The following FMN2 variants were observed in gnomAD, a reference collection of about 807,000 sequenced individuals.
FMN2 encodes the protein formin 2.
Under a neutral mutation model 142.3 loss-of-function variants are expected in FMN2, and 51 were observed. The ratio of observed to expected loss-of-function variants is 0.36; its 90% confidence interval spans 0.29 to 0.45. FMN2 has a LOEUF of 0.45. FMN2 is among the 20% of genes least tolerant of loss of function. FMN2 has a pLI of 1.00. For missense variants in FMN2, 1,936 were observed against 2,122.8 expected, an observed-to-expected ratio of 0.91 and a Z score of 1.73; for synonymous variants, 882 against 869.8, an observed-to-expected ratio of 1.01 and a Z score of -0.25.
At chr1:240,098,966 C>T (rs1180820207) in intron 1 of FMN2, among the ~76,000 whole-genome samples, 2 of 152,186 alleles carry the variant, frequency 1.3e-5, no homozygotes, top group East Asian at 3.9e-4. Context: ...AGTAGTTATT[C>T]TAACTACGTT....
rs921147005 is a variant in FMN2 at position 240,215,607 on chromosome 1, T to C, written c.4065+4372T>C. On this transcript the variant is annotated intron_variant, in intron 6 of 17. Coordinates refer to ENST00000319653, the MANE Select transcript of FMN2 (RefSeq NM_020066.5). The stretch of plus-strand genomic sequence containing the variant: ...AAATACTTTAAAAAAAGAATTTGAA[T>C]GTGTATTGGTTTTTCATATATGTTT... Among the ~76,000 whole-genome samples, 20 of 152,362 alleles carry C rather than the reference T, an allele frequency of 1.3e-4. No homozygotes were observed. The East Asian group carries it at 3.1e-3, about 23-fold the overall frequency.
intron 6 of FMN2, among the ~76,000 whole-genome samples, chr1:240,240,428 T>C (rs1667854007): frequency 1.3e-5 from 2 of 152,326 alleles, no homozygotes; most frequent in Admixed American, 6.5e-5. Flanking sequence ...ATAATAAATA[T>C]GCACATGGTC....
intron 2 of FMN2, among the ~76,000 whole-genome samples, chr1:240,164,357 T>A (rs1180042038): frequency 2.6e-5 from 4 of 152,208 alleles, no homozygotes; most frequent in Non-Finnish European, 4.4e-5. Context: ...TACACATTGT[T>A]ATTTTATTTT....
At chr1:240,146,197 C>T (rs575049464) in intron 2 of FMN2, among the ~76,000 whole-genome samples, 173 of 142,516 alleles carry the variant, frequency 1.2e-3, no homozygotes, top group Admixed American at 2.2e-3. Flanking sequence ...TCCTGGCTAA[C>T]ATGGAGAAAC....
chr1:240,420,188 C>A (rs1340924473), intron 15 of FMN2, among the ~76,000 whole-genome samples: 1 of 152,174 alleles, frequency 6.6e-6, no homozygotes, highest in Non-Finnish European at 1.5e-5. Context: ...CTGATGCATT[C>A]TTTATGGCCT....
intron 4 of FMN2, among the ~76,000 whole-genome samples, chr1:240,192,185 T>G (rs1222263522): frequency 1.3e-5 from 2 of 152,236 alleles, no homozygotes. Flanking sequence ...GTACTCTTTA[T>G]GCAGTGGCCA....
chr1:240,421,374 G>A (rs1674757346), intron 15 of FMN2, among the ~76,000 whole-genome samples: 1 of 152,074 alleles, frequency 6.6e-6, no homozygotes, highest in South Asian at 2.1e-4. Flanking sequence ...CCCTTTTCCA[G>A]ATAATATAAC....
intron 7 of FMN2, among the ~76,000 whole-genome samples, chr1:240,271,918 G>A (rs1232452036): frequency 2.0e-5 from 3 of 152,070 alleles, no homozygotes; most frequent in African/African-American, 7.2e-5. Flanking sequence ...CAAAAAACTT[G>A]GGTTGAGCTT....
intron 8 of FMN2, among the ~76,000 whole-genome samples, chr1:240,309,875 G>A (rs527313353): frequency 1.3e-5 from 2 of 152,246 alleles, no homozygotes; most frequent in Admixed American, 1.3e-4. Flanking sequence ...GTCTCATCTG[G>A]CATGACAGTC....
At chr1:240,133,825 G>A (rs1662834947) in intron 2 of FMN2, among the ~76,000 whole-genome samples, 1 of 152,036 alleles carries the variant, frequency 6.6e-6, no homozygotes, top group African/African-American at 2.4e-5. Flanking sequence ...TATTATAATT[G>A]CCTATTTACC....
intron 3 of FMN2, among the ~76,000 whole-genome samples, chr1:240,178,502 G>A (rs1665021005): frequency 6.7e-6 from 1 of 148,738 alleles, no homozygotes; most frequent in South Asian, 2.1e-4. Context: ...CTAGAGTGCA[G>A]TGGAGCATGA....
At chr1:240,376,356 A>T (rs1673041894) in intron 14 of FMN2, among the ~76,000 whole-genome samples, 1 of 151,884 alleles carries the variant, frequency 6.6e-6, no homozygotes. Context: ...TTAATTTATG[A>T]TCTTTATATT....
At chr1:240,133,647 A>G (rs1662827493) in intron 2 of FMN2, among the ~76,000 whole-genome samples, 1 of 151,980 alleles carries the variant, frequency 6.6e-6, no homozygotes, top group South Asian at 2.1e-4. Context: ...GTCTTCTCTC[A>G]CTTGTGGGGC....
In FMN2 at chr1:240,351,701, T is replaced by C. The variant is rs1462780535; in HGVS notation, c.4766-4115T>C. ...AGAGTAAAAATGAAGACCCAGAGGA[T>C]GGTTGTCACCATGTAGAAGACTTTG... On this transcript the variant is annotated intron_variant, in intron 13 of 17. Coordinates refer to ENST00000319653, the MANE Select transcript of FMN2 (RefSeq NM_020066.5). Among the ~76,000 whole-genome samples the C allele has an allele frequency of 2.0e-5, 3 of 152,326 alleles. No individual in the cohort carries two copies. The East Asian group carries it at 5.8e-4, about 29-fold the overall frequency.
intron 13 of FMN2, among the ~76,000 whole-genome samples, chr1:240,344,786 T>C (rs1671855966): frequency 6.6e-6 from 1 of 152,236 alleles, no homozygotes; most frequent in African/African-American, 2.4e-5. Flanking sequence ...TTAAAGGTGA[T>C]TACTTCCCTG....
At chr1:240,103,976 A>G (rs1478044473) in intron 1 of FMN2, among the ~76,000 whole-genome samples, 4 of 151,696 alleles carry the variant, frequency 2.6e-5, no homozygotes, top group South Asian at 2.1e-4. Context: ...TCCCAGGTTC[A>G]CGCCATTCTC....
At chr1:240,374,771 G>A (rs1672989294) in intron 14 of FMN2, among the ~76,000 whole-genome samples, 1 of 152,134 alleles carries the variant, frequency 6.6e-6, no homozygotes, top group Non-Finnish European at 1.5e-5. Context: ...CTTCACTGAA[G>A]TAGCACTTTA....
intron 6 of FMN2, among the ~76,000 whole-genome samples, chr1:240,235,416 GT>G (rs5782128): frequency 5.4e-5 from 8 of 147,290 alleles, no homozygotes; most frequent in Admixed American, 2.0e-4. Context: ...TTAATTTTTT[GT>G]TTTTTTTTTC....
chr1:240,343,882 G>A (rs1671819548), intron 13 of FMN2, among the ~76,000 whole-genome samples: 2 of 152,100 alleles, frequency 1.3e-5, no homozygotes, highest in Admixed American at 1.3e-4. Flanking sequence ...TGTTTGATTG[G>A]GTCGGCGGGG....
Sources: allele counts gnomAD v4.1 joint callset (sites outside exome capture counted in the v4.1 genomes callset), GRCh38; gene constraint gnomAD v4.1.1; transcripts MANE v1.5; gene names NCBI Gene and HGNC (gene_info 2026-07-23, HGNC 2026-07-21).